The following NAV2 variants were observed in gnomAD, a reference collection of about 807,000 sequenced individuals.
NAV2 encodes helicase, APC down-regulated 1.
In NAV2, 54 loss-of-function variants were observed where a neutral mutation model predicts 223.2. The observed-to-expected ratio is 0.24, with a 90% confidence interval of 0.19 to 0.30. NAV2 has a LOEUF of 0.30. Ranked by LOEUF, NAV2 falls within the 10% of genes least tolerant of loss-of-function variation. The pLI, the probability that NAV2 is intolerant of heterozygous loss-of-function variation, is 1.00. For synonymous variants in NAV2, 1,279 were observed against 1,239.3 expected, an observed-to-expected ratio of 1.03 and a Z score of -0.67; for missense variants, 2,806 against 3,147.5, an observed-to-expected ratio of 0.89 and a Z score of 2.60.
At chr11:19,355,487 C>T (rs1265775312) in intron 1 of NAV2, among the ~76,000 whole-genome samples, 1 of 152,060 alleles carries the variant, frequency 6.6e-6, no homozygotes, top group Non-Finnish European at 1.5e-5. Context: ...ATCATATTTG[C>T]CCCATCAACC....
chr11:19,827,719 A>T (rs2059711135), intron 1 of NAV2, among the ~76,000 whole-genome samples: 1 of 150,970 alleles, frequency 6.6e-6, no homozygotes, highest in Non-Finnish European at 1.5e-5. Context: ...TATTTTTTTA[A>T]TTTTAAAAAA....
At chr11:19,709,912 A>AAAG (rs1192911914), upstream of NAV2, among the ~76,000 whole-genome samples, 1 of 152,250 alleles carries the variant, frequency 6.6e-6, no homozygotes, top group African/African-American at 2.4e-5. Flanking sequence ...TCCTCAAGTG[A>AAAG]AAGATCTTTC....
intron 32 of NAV2, 118 bp from the exon 33 acceptor site, chr11:20,103,137 G>C: frequency 1.0e-6 from 1 of 967,834 alleles, no homozygotes. Flanking sequence ...TTACAGCGCA[G>C]AATCATGAAG....
At chr11:20,100,083 C>T (rs963097059) in intron 31 of NAV2, among the ~76,000 whole-genome samples, 6 of 152,172 alleles carry the variant, frequency 3.9e-5, no homozygotes, top group Admixed American at 6.5e-5. Context: ...TAAAACAGTA[C>T]ATACTCTTCA....
chr11:19,504,116 C>T (rs900365663), intron 1 of NAV2, among the ~76,000 whole-genome samples: 2 of 152,142 alleles, frequency 1.3e-5, no homozygotes, highest in African/African-American at 4.8e-5. Flanking sequence ...AATGGGACAG[C>T]ACCATACATC....
At chr11:19,841,963 G>A (rs2152942093) in intron 2 of NAV2, among the ~76,000 whole-genome samples, 1 of 152,298 alleles carries the variant, frequency 6.6e-6, no homozygotes, top group South Asian at 2.1e-4. Flanking sequence ...TGAGGAAACT[G>A]TGACCCAAAG....
At chr11:19,349,547 C>T (rs1853181894), upstream of NAV2, among the ~76,000 whole-genome samples, 1 of 152,186 alleles carries the variant, frequency 6.6e-6, no homozygotes, top group African/African-American at 2.4e-5. Flanking sequence ...CTCCCGGAGG[C>T]TGGCATGGCC....
chr11:19,363,602 C>G (rs1029790845), intron 1 of NAV2, among the ~76,000 whole-genome samples: 9 of 152,166 alleles, frequency 5.9e-5, no homozygotes, highest in Non-Finnish European at 1.2e-4. Context: ...CTACACCAAC[C>G]AATTCTCTGA....
rs534271493 is a variant in NAV2 at position 19,759,305 on chromosome 11, G to A, written c.267+45343G>A. Among the ~76,000 whole-genome samples the A allele has an allele frequency of 1.0e-3, 154 of 151,962 alleles. 2 individuals are homozygous for A. The highest frequency in any genetic ancestry group is 3.5e-3 in the African/African-American group (147 of 41,474). On this transcript the variant is annotated intron_variant, in intron 1 of 37. Coordinates refer to ENST00000349880, the MANE Select transcript of NAV2 (RefSeq NM_145117.5). Reference sequence around the variant, plus strand: ...TCACCGTGTTAGCCAGGATGGTCTCGATCTGCTGACCTCGTGATCCGCCTG... The same window carrying A: ...TCACCGTGTTAGCCAGGATGGTCTCAATCTGCTGACCTCGTGATCCGCCTG...
chr11:19,841,880 A>C (rs1323926580), intron 2 of NAV2, among the ~76,000 whole-genome samples: 2 of 152,242 alleles, frequency 1.3e-5, no homozygotes, highest in Non-Finnish European at 2.9e-5. Context: ...CACCGTGCTA[A>C]GCATTTTACT....
At chr11:19,485,423 G>A (rs1253992178) in intron 1 of NAV2, among the ~76,000 whole-genome samples, 1 of 152,130 alleles carries the variant, frequency 6.6e-6, no homozygotes, top group African/African-American at 2.4e-5. Flanking sequence ...CTCTCTTCTA[G>A]CCTGGGACCA....
rs1296001993 is a variant in NAV2, at chr11:19,368,779, C to T, written c.75+17752C>T. Among the ~76,000 whole-genome samples the T allele has an allele frequency of 2.6e-5, 4 of 152,124 alleles. No homozygotes were observed. In the East Asian group the frequency reaches 7.7e-4, roughly 29 times the overall value. On this transcript the variant is annotated intron_variant, in intron 1 of 37. Transcript: ENST00000360655. Reference sequence around the variant, plus strand: ...TGTCTGACTTCAAAGCCTAAGTAAGCTTTTAATCATATTTTTCAGATAAAT... The same window carrying T: ...TGTCTGACTTCAAAGCCTAAGTAAGTTTTTAATCATATTTTTCAGATAAAT...
chr11:19,584,954 G>C (rs945493921), intron 1 of NAV2, among the ~76,000 whole-genome samples: 2 of 147,862 alleles, frequency 1.4e-5, no homozygotes, highest in African/African-American at 5.0e-5. Flanking sequence ...CTGTCTCATC[G>C]ATCTGTCTAA....
At chr11:19,755,756 G>T (rs1171526779) in intron 1 of NAV2, among the ~76,000 whole-genome samples, 10 of 152,160 alleles carry the variant, frequency 6.6e-5, no homozygotes, top group African/African-American at 2.4e-4. Context: ...ACCCAATGTT[G>T]TGCTAAACTC....
intron 1 of NAV2, among the ~76,000 whole-genome samples, chr11:19,827,654 GGAT>G (rs2059708336): frequency 6.6e-6 from 1 of 152,152 alleles, no homozygotes; most frequent in Non-Finnish European, 1.5e-5. Context: ...TGGGACAGAT[GGAT>G]GATAAGGCTG....
chr11:19,637,012 C>A (rs2047521855), intron 1 of NAV2, among the ~76,000 whole-genome samples: 1 of 152,170 alleles, frequency 6.6e-6, no homozygotes, highest in South Asian at 2.1e-4. Flanking sequence ...TAACTTAAGC[C>A]TTCTATAAAG....
At chr11:19,996,858 G>A (rs2051944829) in intron 11 of NAV2, among the ~76,000 whole-genome samples, 1 of 152,156 alleles carries the variant, frequency 6.6e-6, no homozygotes, top group South Asian at 2.1e-4. Context: ...GACATTTTGA[G>A]GGATGTTGCA....
At chr11:19,831,223 CG>C (rs56829857) in intron 1 of NAV2, among the ~76,000 whole-genome samples, 209 of 844 alleles carry the variant, frequency 0.25, 15 homozygotes, top group South Asian at 0.34. Context: ...AGGAGTGTTG[CG>C]GGGGGGGGGG....
chr11:19,350,244 C>CT (rs1263710549), upstream of NAV2, among the ~76,000 whole-genome samples: 1 of 152,168 alleles, frequency 6.6e-6, no homozygotes, highest in Non-Finnish European at 1.5e-5. Context: ...CTCAGAGGAG[C>CT]TTGGAAAACG....
Sources: allele counts gnomAD v4.1 joint callset (sites outside exome capture counted in the v4.1 genomes callset), GRCh38; gene constraint gnomAD v4.1.1; transcripts MANE v1.5; gene names NCBI Gene and HGNC (gene_info 2026-07-23, HGNC 2026-07-21).